ZDHHC23: variants seen among roughly 807,000 people sequenced by gnomAD.
The protein encoded by ZDHHC23 is zDHHC palmitoyltransferase 23.
ZDHHC23 carries 41 observed loss-of-function variants against 40.2 expected under a neutral mutation model. The observed-to-expected ratio is 1.02, with a 90% CI of 0.79 to 1.32. The LOEUF (loss-of-function observed/expected upper bound fraction) is 1.32. ZDHHC23 is among the 40% of genes most tolerant of loss of function. The pLI is 0.00. For missense variants in ZDHHC23, 471 were observed against 541.5 expected, an observed-to-expected ratio of 0.87 and a Z score of 1.29; for synonymous variants, 204 against 210.2, an observed-to-expected ratio of 0.97 and a Z score of 0.26.
At chr3:113,963,767 CAAAAT>C (rs1345697069), downstream of ZDHHC23, among the ~76,000 whole-genome samples, 2 of 151,714 alleles carry the variant, frequency 1.3e-5, no homozygotes, top group Non-Finnish European at 2.9e-5. Flanking sequence ...ACAGAACAAA[CAAAAT>C]AATAAAATTG....
chr3:113,955,584 C>T (rs1021068984), intron 3 of ZDHHC23, among the ~76,000 whole-genome samples: 1 of 152,154 alleles, frequency 6.6e-6, no homozygotes, highest in African/African-American at 2.4e-5. Flanking sequence ...CTTCCCCCTA[C>T]GCTATGTTTC....
chr3:113,977,574 A>T, the ZDHHC23 span, among the ~76,000 whole-genome samples: 1 of 152,252 alleles, frequency 6.6e-6, no homozygotes, highest in South Asian at 2.1e-4. Context: ...TTCCATGTAT[A>T]TAAAGTTCCA....
In ZDHHC23 at chr3:113,960,914, A is replaced by AAAGGAGCAGCAAAC. The variant is rs1280058665; in HGVS notation, c.*2289_*2302dup. On this transcript the variant is annotated 3_prime_UTR_variant, in exon 5 of 5. Coordinates refer to ENST00000638807, the MANE Select transcript of ZDHHC23 (RefSeq NM_001320466.2). Reference sequence around the variant, plus strand: ...AAAGCCTTCCCAGGCGTCTGTACCGAAAGGAGCAGCAAACAAGGGGCTAAT... The same window carrying AAAGGAGCAGCAAAC: ...AAAGCCTTCCCAGGCGTCTGTACCGAAAGGAGCAGCAAACAAGGAGCAGCAAACAAGGGGCTAAT... 1.1e-6 allele frequency: 1 copy of AAAGGAGCAGCAAAC among 882,928 alleles called. No homozygotes were observed. Among genetic ancestry groups the AAAGGAGCAGCAAAC allele is most frequent in the Non-Finnish European group, 1.6e-6 (1 of 620,016 alleles). The allele number at this position is 882,928 out of a possible 1,614,324, so 54.7% of individuals were successfully genotyped here. A position where few individuals can be genotyped will look rare whatever the true frequency, so the allele number is the denominator to read the frequency against.
At chr3:113,972,181 GT>G in the ZDHHC23 span, among the ~76,000 whole-genome samples, 1 of 151,954 alleles carries the variant, frequency 6.6e-6, no homozygotes, top group East Asian at 1.9e-4. Flanking sequence ...ATTTTTTGAA[GT>G]CTGTCAACTT....
At chr3:113,976,082 A>T in the ZDHHC23 span, among the ~76,000 whole-genome samples, 1 of 145,718 alleles carries the variant, frequency 6.9e-6, no homozygotes, top group African/African-American at 2.4e-5. Context: ...CATGGTAAAA[A>T]ACGCTGTCTC....
At chr3:113,954,853 C>A (rs906190099) in intron 3 of ZDHHC23, among the ~76,000 whole-genome samples, 2 of 152,146 alleles carry the variant, frequency 1.3e-5, no homozygotes, top group African/African-American at 4.8e-5. Flanking sequence ...CATACTTAAT[C>A]GTTTTTGATG....
Position 113,949,710 on chromosome 3 carries a change from C to A in ZDHHC23, c.161+747C>A, listed in dbSNP as rs529744810. On this transcript the variant is annotated intron_variant, in intron 2 of 4. Coordinates refer to ENST00000638807, the MANE Select transcript of ZDHHC23 (RefSeq NM_001320466.2). ...GTGGGAAGGATAGGGATGTTGGAAA[C>A]TTGCTTTTCCCATTAATAATTATTT... Among the ~76,000 whole-genome samples the A allele has an allele frequency of 5.9e-5, 9 of 152,290 alleles. 1 individual carries two copies. The highest frequency in any genetic ancestry group is 2.2e-4 in the African/African-American group (9 of 41,556).
At chr3:113,966,283 G>GT (rs1940161925), downstream of ZDHHC23, among the ~76,000 whole-genome samples, 1 of 152,314 alleles carries the variant, frequency 6.6e-6, no homozygotes, top group African/African-American at 2.4e-5. Flanking sequence ...GACTGTTTAA[G>GT]TGAGTGTCTG....
chr3:113,960,408 G>T lies in ZDHHC23; in HGVS notation c.*1778G>T, dbSNP rs1452141548. ...GAATATTCATCTAGAATTAAAGTTGGATTTGATATAACAAATTTCTTTCTA... is the reference window on the plus strand; with the variant it reads ...GAATATTCATCTAGAATTAAAGTTGTATTTGATATAACAAATTTCTTTCTA... On this transcript the variant is annotated 3_prime_UTR_variant, in exon 5 of 5. Coordinates refer to ENST00000638807, the MANE Select transcript of ZDHHC23 (RefSeq NM_001320466.2). 8.0e-6 allele frequency: 10 copies of T among 1,250,656 alleles called. No homozygotes were observed. The highest frequency in any genetic ancestry group is 1.0e-5 in the Non-Finnish European group (10 of 997,378). The allele number at this position is 1,250,656 out of a possible 1,614,324, so 77.5% of individuals were successfully genotyped here. A position where few individuals can be genotyped will look rare whatever the true frequency, so the allele number is the denominator to read the frequency against.
intron 2 of ZDHHC23, 65 bp downstream of exon 2, chr3:113,949,028 C>A (rs917840566): frequency 6.3e-7 from 1 of 1,582,716 alleles, no homozygotes; most frequent in Non-Finnish European, 8.6e-7. Flanking sequence ...TGTGTACTTT[C>A]AACCTAGCCA....
chr3:113,976,557 T>C, the ZDHHC23 span, among the ~76,000 whole-genome samples: 9 of 151,794 alleles, frequency 5.9e-5, no homozygotes, highest in Non-Finnish European at 1.0e-4. Flanking sequence ...TCTCAGCCTG[T>C]ATATAGTGGC....
In ZDHHC23 at chr3:113,948,794, G is replaced by A; in HGVS notation, c.-9G>A. 6.2e-7 allele frequency: 1 copy of A among 1,614,118 alleles called. No individual in the cohort carries two copies. Among genetic ancestry groups the A allele is most frequent in the Non-Finnish European group, 8.5e-7 (1 of 1,180,026 alleles). On this transcript the variant is annotated 5_prime_UTR_variant, in exon 2 of 5. In the 5' UTR this introduces an upstream ATG that the reference lacks. Transcript: ENST00000638807. ...GGCTTCTTACGCCTCATGGTGACAG[G>A]TGCAAATCATGACACAGAAGGGCAG...
chr3:113,953,590 G>C (rs1938890032), intron 2 of ZDHHC23, 110 bp from the exon 3 acceptor site: 1 of 935,480 alleles, frequency 1.1e-6, no homozygotes, highest in Non-Finnish European at 1.6e-6. Context: ...AAAATGCTTG[G>C]TCTTTGGTAG....
At position 113,962,646 on chromosome 3, in the gene ZDHHC23, T is replaced by C. The variant is rs1161303645; in HGVS notation, c.*4016T>C. Reference sequence around the variant, plus strand: ...CCTAATGGTCTGGGTGATTGGATGGTTTGAGTTGTTAGGGATTTTGAGTTT... The same window carrying C: ...CCTAATGGTCTGGGTGATTGGATGGCTTGAGTTGTTAGGGATTTTGAGTTT... On this transcript the variant is annotated 3_prime_UTR_variant, in exon 5 of 5. Transcript: ENST00000638807. 6.6e-6 allele frequency: 1 copy of C among 152,176 alleles called. No individual in the cohort carries two copies. Among genetic ancestry groups the C allele is most frequent in the African/African-American group, 2.4e-5 (1 of 41,446 alleles). 9.4% of individuals were successfully genotyped at this position (152,176 alleles called of 1,614,324 possible).
intron 2 of ZDHHC23, among the ~76,000 whole-genome samples, chr3:113,950,305 T>C (rs1485336816): frequency 2.0e-5 from 3 of 152,224 alleles, no homozygotes; most frequent in Admixed American, 1.3e-4. Flanking sequence ...TACCTGAGAC[T>C]GGGTAATTTG....
At chr3:113,955,179 G>C (rs946308806) in intron 3 of ZDHHC23, among the ~76,000 whole-genome samples, 1 of 152,190 alleles carries the variant, frequency 6.6e-6, no homozygotes, top group Non-Finnish European at 1.5e-5. Context: ...GTCCTGTAGC[G>C]TACCTCCTCC....
chr3:113,958,469 C>T lies in ZDHHC23; in HGVS notation c.1147C>T (p.Arg383Trp), dbSNP rs779094962. 20 of 1,613,990 alleles carry T rather than the reference C, an allele frequency of 1.2e-5. No homozygotes were observed. Among genetic ancestry groups the T allele is most frequent in the South Asian group, 4.4e-5 (4 of 91,092 alleles). Reference protein sequence around the residue: ...LINISYNVTEREVQQALRQKT... With the variant: ...LINISYNVTEWEVQQALRQKT... ...CAACATCAGCTACAATGTGACTGAG[C>T]GGGAAGTCCAGCAGGCCCTCCGACA... The change falls in exon 5 of 5, where the codon CGG becomes TGG. Residue 383 changes from arginine to tryptophan, a missense_variant. This residue lies in a region of ZDHHC23 where 346 missense variants were observed against 399.8 expected (regional missense o/e 0.87). Transcript: ENST00000638807.
Position 113,948,718 on chromosome 3 carries a change from G to T in ZDHHC23, c.-85G>T. The T allele has an allele frequency of 6.6e-7, 1 of 1,504,188 alleles. No homozygotes were observed. Among genetic ancestry groups the T allele is most frequent in the South Asian group, 1.2e-5 (1 of 85,384 alleles). 93.2% of individuals were successfully genotyped at this position (1,504,188 alleles called of 1,614,324 possible). Reference sequence around the variant, plus strand: ...AGGTTAAGCAGAGAGAGAGAGGCGTGGACCTATTTACGAGATGTAAGTTGT... The same window carrying T: ...AGGTTAAGCAGAGAGAGAGAGGCGTTGACCTATTTACGAGATGTAAGTTGT... On this transcript the variant is annotated 5_prime_UTR_variant, in exon 2 of 5. Coordinates refer to ENST00000638807, the MANE Select transcript of ZDHHC23 (RefSeq NM_001320466.2).
rs757134285 is a variant in ZDHHC23, at chr3:113,959,174, A to G, written c.*544A>G. The G allele has an allele frequency of 3.8e-5, 41 of 1,067,864 alleles. No homozygotes were observed. The highest frequency in any genetic ancestry group is 9.2e-5 in the Admixed American group (2 of 21,854). The allele number at this position is 1,067,864 out of a possible 1,614,324, so 66.1% of individuals were successfully genotyped here. ...TGGAAATACAAAGTATTAGGAAAAT[A>G]TTATGATGGAAGAAAAACGTTTATA... On this transcript the variant is annotated 3_prime_UTR_variant, in exon 5 of 5. Coordinates refer to ENST00000638807, the MANE Select transcript of ZDHHC23 (RefSeq NM_001320466.2).
Sources: gnomAD v4.1 joint callset for allele counts (sites outside exome capture counted in the v4.1 genomes callset) on GRCh38, gnomAD v4.1.1 for gene constraint, gnomAD v4.1.1 regional missense constraint, MANE v1.5 for transcripts, NCBI Gene and HGNC (gene_info 2026-07-23, HGNC 2026-07-21) for gene names.